ADARB2: variants seen among roughly 807,000 people sequenced by gnomAD.
The protein encoded by ADARB2 is adenosine deaminase RNA specific B2 (inactive), also known as inactive double-stranded RNA-specific editase B2.
In ADARB2, 25 loss-of-function variants were observed where a neutral mutation model predicts 62.2. The observed-to-expected ratio is 0.40, with a 90% CI of 0.29 to 0.56. The LOEUF is 0.56. Ranked by LOEUF, ADARB2 falls within the 20% of genes least tolerant of loss-of-function variation. The pLI, the probability that ADARB2 is intolerant of heterozygous loss-of-function variation, is 0.43. For missense variants in ADARB2, 1,071 were observed against 1,077.4 expected (o/e 0.99, Z 0.08); for synonymous variants, 572 against 500.8 (o/e 1.14, Z -1.90).
intron 1 of ADARB2, among the ~76,000 whole-genome samples, chr10:1,457,414 C>G (rs984929236): frequency 6.6e-6 from 1 of 152,076 alleles, no homozygotes; most frequent in Non-Finnish European, 1.5e-5. Context: ...TCTGATGCTC[C>G]TGGGGCCAGG....
chr10:1,712,775 A>AT (rs66539603), intron 1 of ADARB2, among the ~76,000 whole-genome samples: 11 of 150,664 alleles, frequency 7.3e-5, no homozygotes, highest in Non-Finnish European at 1.6e-4. Flanking sequence ...CGCCCAACTA[A>AT]TTTTTTTGTA....
At chr10:1,221,511 C>T (rs1025597053) in intron 6 of ADARB2, among the ~76,000 whole-genome samples, 1 of 151,632 alleles carries the variant, frequency 6.6e-6, no homozygotes, top group Non-Finnish European at 1.5e-5. Flanking sequence ...TGGTGTGCTG[C>T]ACCCAGTAAC....
chr10:1,249,419 G>C (rs1272229037), intron 4 of ADARB2, among the ~76,000 whole-genome samples: 1 of 147,354 alleles, frequency 6.8e-6, no homozygotes, highest in Non-Finnish European at 1.5e-5. Context: ...TCCAGCCTGG[G>C]TAACAGAGCA....
At chr10:1,301,212 G>A (rs17156175) in intron 3 of ADARB2, among the ~76,000 whole-genome samples, 129 of 152,288 alleles carry the variant, frequency 8.5e-4, no homozygotes, top group African/African-American at 2.8e-3. Context: ...GACTCTGTGC[G>A]TGCTAATTTT....
Position 1,274,815 on chromosome 10 carries a change from C to T in ADARB2, c.1078-3746G>A, listed in dbSNP as rs188993389. Reference sequence around the variant, plus strand: ...CAGAGACGGGACGTACCCCAGCTGCCTTGACCTTGACCCTTGCACTGAACT... The same window carrying T: ...CAGAGACGGGACGTACCCCAGCTGCTTTGACCTTGACCCTTGCACTGAACT... On this transcript the variant is annotated intron_variant, in intron 3 of 9. Transcript: ENST00000381312. 2.8e-3 allele frequency among the ~76,000 whole-genome samples: 428 copies of T among 152,330 alleles called. 2 individuals carry two copies. The highest frequency in any genetic ancestry group is 0.01 in the Middle Eastern group (3 of 294).
chr10:1,246,049 A>C (rs1372522162), intron 4 of ADARB2, among the ~76,000 whole-genome samples: 1 of 151,616 alleles, frequency 6.6e-6, no homozygotes, highest in Admixed American at 6.6e-5. Context: ...GTGAGATGGT[A>C]TCTCATTGTG....
intron 7 of ADARB2, among the ~76,000 whole-genome samples, chr10:1,206,535 C>T (rs371607667): frequency 3.6e-4 from 54 of 151,998 alleles, no homozygotes; most frequent in African/African-American, 1.2e-3. Context: ...GGGGTCTCCT[C>T]CTCGTGCCTG....
Position 1,496,702 on chromosome 10 carries a change from C to G in ADARB2, c.101-117542G>C, listed in dbSNP as rs377253728. On this transcript the variant is annotated intron_variant, in intron 1 of 9. Coordinates refer to ENST00000381312, the MANE Select transcript of ADARB2 (RefSeq NM_018702.4). ...CCATCATTATCAACTTAATTATCAT[C>G]ACCATTGTCATCATCACCATAATTA... Among the ~76,000 whole-genome samples, 7 of 152,050 alleles carry G rather than the reference C, an allele frequency of 4.6e-5. 1 individual carries two copies. In the East Asian group the frequency reaches 7.7e-4, roughly 17 times the overall value.
At chr10:1,683,554 C>T (rs1834565597) in intron 1 of ADARB2, among the ~76,000 whole-genome samples, 1 of 152,128 alleles carries the variant, frequency 6.6e-6, no homozygotes, top group Non-Finnish European at 1.5e-5. Flanking sequence ...TCTGTTTGCC[C>T]TCAGATCCGC....
At chr10:1,618,908 T>C (rs1833675855) in intron 1 of ADARB2, among the ~76,000 whole-genome samples, 2 of 152,146 alleles carry the variant, frequency 1.3e-5, no homozygotes, top group Non-Finnish European at 2.9e-5. Flanking sequence ...CAAAAGCAAC[T>C]ATACAGCTGA....
rs1222187052 is a variant in ADARB2 at position 1,721,815 on chromosome 10, C to T, written c.100+15236G>A. On this transcript the variant is annotated intron_variant, in intron 1 of 9. Coordinates refer to ENST00000381312, the MANE Select transcript of ADARB2 (RefSeq NM_018702.4). ...GCCTCATCCCAGCCCTTGGTCAGTGCTCCTGGGGTCCACAGGACTGACTGG... is the reference window on the plus strand; with the variant it reads ...GCCTCATCCCAGCCCTTGGTCAGTGTTCCTGGGGTCCACAGGACTGACTGG... Among the ~76,000 whole-genome samples, 3 of 152,244 alleles carry T rather than the reference C, an allele frequency of 2.0e-5. No homozygotes were observed. The South Asian group carries it at 6.2e-4, about 32-fold the overall frequency.
intron 1 of ADARB2, among the ~76,000 whole-genome samples, chr10:1,720,087 G>A (rs562258414): frequency 5.3e-5 from 8 of 152,240 alleles, no homozygotes; most frequent in East Asian, 3.9e-4. Context: ...TATGTTCATC[G>A]CAGCACTATT....
intron 1 of ADARB2, among the ~76,000 whole-genome samples, chr10:1,522,980 C>A (rs189463495): frequency 6.6e-6 from 1 of 152,310 alleles, no homozygotes; most frequent in Admixed American, 6.5e-5. Context: ...CCCTTAAGCT[C>A]TCTTTCAGGT....
chr10:1,297,900 C>T (rs953222272), intron 3 of ADARB2, among the ~76,000 whole-genome samples: 1 of 152,156 alleles, frequency 6.6e-6, no homozygotes, highest in Non-Finnish European at 1.5e-5. Context: ...GGGACAGATG[C>T]CCCTTAGAAT....
intron 1 of ADARB2, among the ~76,000 whole-genome samples, chr10:1,459,786 A>C (rs915718474): frequency 6.6e-6 from 1 of 152,234 alleles, no homozygotes; most frequent in Non-Finnish European, 1.5e-5. Flanking sequence ...ATGAAGCCAC[A>C]TGGACTCAGA....
At chr10:1,712,544 C>T (rs1159988383) in intron 1 of ADARB2, among the ~76,000 whole-genome samples, 8 of 151,818 alleles carry the variant, frequency 5.3e-5, no homozygotes, top group South Asian at 2.1e-4. Flanking sequence ...GGAAGCAACC[C>T]GGGAGGATTG....
At chr10:1,568,129 G>A (rs1205387444) in intron 1 of ADARB2, among the ~76,000 whole-genome samples, 3 of 152,218 alleles carry the variant, frequency 2.0e-5, no homozygotes, top group Non-Finnish European at 4.4e-5. Flanking sequence ...CAAACCACCC[G>A]GGGAACAGTG....
intron 1 of ADARB2, among the ~76,000 whole-genome samples, chr10:1,710,135 A>G (rs940732438): frequency 1.3e-5 from 2 of 152,272 alleles, no homozygotes; most frequent in African/African-American, 2.4e-5. Context: ...AGGGGAGTCT[A>G]TGTCCTCATT....
chr10:1,255,847 C>T lies in ADARB2; in HGVS notation c.1193-13548G>A, dbSNP rs1044620067. Among the ~76,000 whole-genome samples, 1 of 152,172 alleles carries T rather than the reference C, an allele frequency of 6.6e-6. No homozygotes were observed. The highest frequency in any genetic ancestry group is 1.5e-5 in the Non-Finnish European group (1 of 68,042). On this transcript the variant is annotated intron_variant, in intron 4 of 9. Coordinates refer to ENST00000381312, the MANE Select transcript of ADARB2 (RefSeq NM_018702.4). This position sits in a 1 kb window ranked among gnomAD's most constrained non-coding sequence, Gnocchi z 4.7. ...ACTATAGCCCCATCAGCGGGCAGGA[C>T]AAGTTGGGCCCTGACACAGGCAGCA...
Sources: gnomAD v4.1 joint callset for allele counts (sites outside exome capture counted in the v4.1 genomes callset) on GRCh38, gnomAD v4.1.1 for gene constraint, Gnocchi (gnomAD v3.1) non-coding constraint, MANE v1.5 for transcripts, NCBI Gene and HGNC (gene_info 2026-07-23, HGNC 2026-07-21) for gene names.